AHRR: variants seen among roughly 807,000 people sequenced by gnomAD.
AHRR encodes ahR repressor.
In AHRR, 28 loss-of-function variants were observed where a neutral mutation model predicts 44.0. The ratio of observed to expected loss-of-function variants is 0.64; its 90% confidence interval spans 0.47 to 0.87. AHRR has a LOEUF of 0.87. AHRR is among the 40% of genes least tolerant of loss of function. The pLI is 0.00. For missense variants in AHRR, 990 were observed against 953.9 expected, an observed-to-expected ratio of 1.04 and a Z score of -0.50; for synonymous variants, 434 against 407.0, an observed-to-expected ratio of 1.07 and a Z score of -0.80.
At chr5:407,159 T>C (rs181810116) in intron 4 of AHRR, among the ~76,000 whole-genome samples, 1 of 152,362 alleles carries the variant, frequency 6.6e-6, no homozygotes, top group Admixed American at 6.5e-5. Flanking sequence ...GTAGCTATCA[T>C]TGCATATTTA....
intron 2 of AHRR, among the ~76,000 whole-genome samples, chr5:345,224 A>G (rs1394224794): frequency 4.0e-5 from 2 of 49,576 alleles, no homozygotes; most frequent in Non-Finnish European, 7.0e-5. Context: ...GTGTCGGATG[A>G]TGTCCCTGGC....
At chr5:414,386 A>C (rs1735623644) in intron 5 of AHRR, among the ~76,000 whole-genome samples, 1 of 152,184 alleles carries the variant, frequency 6.6e-6, no homozygotes, top group Non-Finnish European at 1.5e-5. Context: ...TTGTAGAATT[A>C]AGATTTCTCC....
chr5:390,790 G>A (rs1734382398), intron 4 of AHRR, among the ~76,000 whole-genome samples: 1 of 152,172 alleles, frequency 6.6e-6, no homozygotes, highest in South Asian at 2.1e-4. Context: ...GAGAGGAGGG[G>A]CGGGTTTCAT....
At chr5:365,807 C>G (rs182050286) in intron 3 of AHRR, among the ~76,000 whole-genome samples, 204 of 152,056 alleles carry the variant, frequency 1.3e-3, no homozygotes, top group African/African-American at 4.8e-3. Flanking sequence ...AAAACTGACT[C>G]AAGAAGAAAT....
At chr5:424,923 C>T (rs1736318113) in intron 7 of AHRR, among the ~76,000 whole-genome samples, 1 of 152,250 alleles carries the variant, frequency 6.6e-6, no homozygotes, top group Admixed American at 6.5e-5. Context: ...GCAGACCCTC[C>T]AGGCACTGTG....
At chr5:400,758 T>C (rs902279056) in intron 4 of AHRR, among the ~76,000 whole-genome samples, 1 of 152,248 alleles carries the variant, frequency 6.6e-6, no homozygotes, top group African/African-American at 2.4e-5. Context: ...AAATTCTGCC[T>C]TGTGAGTTAA....
intron 3 of AHRR, among the ~76,000 whole-genome samples, chr5:372,937 C>T (rs1352054614): frequency 6.6e-6 from 1 of 152,182 alleles, no homozygotes; most frequent in Non-Finnish European, 1.5e-5. Context: ...TAGCAGGACC[C>T]CATGGGAAGC....
intron 4 of AHRR, among the ~76,000 whole-genome samples, chr5:398,795 C>T (rs1323303525): frequency 2.0e-5 from 3 of 152,176 alleles, no homozygotes; most frequent in African/African-American, 4.8e-5. Flanking sequence ...CTGGGTCCTG[C>T]GGGCTCCGGA....
intron 5 of AHRR, chr5:421,409 CAG>C (rs775198156): frequency 1.8e-6 from 1 of 567,568 alleles, no homozygotes; most frequent in Non-Finnish European, 3.2e-6. Context: ...GGCCCGGACT[CAG>C]AGGCACAGGC....
intron 5 of AHRR, among the ~76,000 whole-genome samples, chr5:415,177 C>T (rs1284909952): frequency 1.3e-5 from 2 of 152,272 alleles, no homozygotes; most frequent in South Asian, 4.1e-4. Flanking sequence ...GGGGTGCACA[C>T]CGGCCCCAGG....
At chr5:429,171 T>C (rs1482763325) in intron 8 of AHRR, among the ~76,000 whole-genome samples, 1 of 152,192 alleles carries the variant, frequency 6.6e-6, no homozygotes, top group Non-Finnish European at 1.5e-5. Context: ...TTCCACCTGC[T>C]GGGAACACAC....
intron 4 of AHRR, among the ~76,000 whole-genome samples, chr5:400,091 C>T (rs1318386458): frequency 6.6e-6 from 1 of 152,182 alleles, no homozygotes; most frequent in Non-Finnish European, 1.5e-5. Context: ...GGCTCCGTAA[C>T]CGTGGCAACG....
rs933848818 is a variant in AHRR at position 404,282 on chromosome 5, A to G, written c.352-9062A>G. 3 of 496,346 alleles carry G rather than the reference A, an allele frequency of 6.0e-6. No homozygotes were observed. Among genetic ancestry groups the G allele is most frequent in the African/African-American group, 6.0e-5 (3 of 50,340 alleles). The allele number at this position is 496,346 out of a possible 1,614,324, so 30.7% of individuals were successfully genotyped here. ...TCCCAAATCATTGCCCTTCTCATCA[A>G]ACATGTGAATAATTCGCTAATTTTT... On this transcript the variant is annotated intron_variant, in intron 4 of 10. Transcript: ENST00000684583. The surrounding 1 kb of genome is among the most constrained non-coding windows in gnomAD (Gnocchi z 4.1).
rs551220182 is a variant in AHRR, at chr5:383,507, C to T, written c.351+6791C>T. 8.6e-5 allele frequency among the ~76,000 whole-genome samples: 13 copies of T among 151,702 alleles called. No homozygotes were observed. The highest frequency in any genetic ancestry group is 3.1e-4 in the African/African-American group (13 of 41,384). On this transcript the variant is annotated intron_variant, in intron 4 of 10. Coordinates refer to ENST00000684583, the MANE Select transcript of AHRR (RefSeq NM_001377236.1). This position sits in a 1 kb window ranked among gnomAD's most constrained non-coding sequence, Gnocchi z 4.0. ...AATGCCTCCTTATTCCTGGTAGTTT[C>T]TCTTGTTCTGAAATCCACTTTGTCT...
At chr5:380,506 C>T (rs181209472) in intron 4 of AHRR, among the ~76,000 whole-genome samples, 425 of 152,200 alleles carry the variant, frequency 2.8e-3, no homozygotes, top group Non-Finnish European at 4.3e-3. Context: ...TTATGTTCAT[C>T]GGTGTTTTGT....
Position 405,351 on chromosome 5 carries a change from G to A in AHRR, c.352-7993G>A, listed in dbSNP as rs1441218013. ...GGTCCGTTTCCCTTTCTCTAGAAAC[G>A]TGGTGGAGTTCAGGGTGATAACGAT... is the stretch of plus-strand genomic sequence containing the variant. On this transcript the variant is annotated intron_variant, in intron 4 of 10. Transcript: ENST00000684583. This position sits in a 1 kb window ranked among gnomAD's most constrained non-coding sequence, Gnocchi z 4.5. Among the ~76,000 whole-genome samples the A allele has an allele frequency of 6.6e-6, 1 of 152,180 alleles. No individual in the cohort carries two copies. The highest frequency in any genetic ancestry group is 1.5e-5 in the Non-Finnish European group (1 of 68,026).
chr5:431,666 C>T (rs549137016), intron 8 of AHRR, among the ~76,000 whole-genome samples: 125 of 152,304 alleles, frequency 8.2e-4, no homozygotes, highest in African/African-American at 2.9e-3. Context: ...CAGTCTTCCA[C>T]AGCTTTTCCC....
chr5:433,725 TC>T (rs1439634487), intron 10 of AHRR, 127 bp from the exon 11 acceptor site: 1 of 1,097,052 alleles, frequency 9.1e-7, no homozygotes, highest in Non-Finnish European at 1.2e-6. Flanking sequence ...CAGTGAGGGG[TC>T]GGTGTAGCAG....
Position 406,823 on chromosome 5 carries a change from A to G in AHRR, c.352-6521A>G, listed in dbSNP as rs1735277364. Among the ~76,000 whole-genome samples, 1 of 152,244 alleles carries G rather than the reference A, an allele frequency of 6.6e-6. No individual in the cohort carries two copies. ...GAGACCCCGACATTGGGAAATACTC[A>G]TAAAGTTAACTTACCAACTTAATAT... On this transcript the variant is annotated intron_variant, in intron 4 of 10. Transcript: ENST00000684583. The surrounding 1 kb of genome is among the most constrained non-coding windows in gnomAD (Gnocchi z 4.7).
Sources: allele counts gnomAD v4.1 joint callset (sites outside exome capture counted in the v4.1 genomes callset), GRCh38; gene constraint gnomAD v4.1.1; non-coding constraint Gnocchi (gnomAD v3.1); transcripts MANE v1.5; gene names NCBI Gene and HGNC (gene_info 2026-07-23, HGNC 2026-07-21).